Variants in CEACAM18 observed in about 807,000 individuals in gnomAD.
CEACAM18 encodes cell adhesion molecule CEACAM18.
In CEACAM18, 33 loss-of-function variants were observed where a neutral mutation model predicts 34.3. The ratio of observed to expected loss-of-function variants is 0.96; its 90% confidence interval spans 0.73 to 1.29. CEACAM18 has a LOEUF of 1.29. Ranked by LOEUF, CEACAM18 falls within the 50% of genes most tolerant of loss-of-function variation. CEACAM18 has a pLI of 0.00. For synonymous variants in CEACAM18, 169 were observed against 180.9 expected (o/e 0.93, Z 0.53); for missense variants, 474 against 485.0 (o/e 0.98, Z 0.21).
intron 3 of CEACAM18, 98 bp downstream of exon 3, chr19:51,481,763 C>A: frequency 7.9e-7 from 1 of 1,266,146 alleles, no homozygotes; most frequent in Non-Finnish European, 1.1e-6. Flanking sequence ...AGAGAGGGGG[C>A]ATCCTGGGCC....
intron 4 of CEACAM18, among the ~76,000 whole-genome samples, chr19:51,484,064 C>G (rs1214871694): frequency 1.3e-5 from 2 of 152,174 alleles, no homozygotes; most frequent in East Asian, 3.9e-4. Context: ...CGTTCCGAGA[C>G]TCAGTTTCCT....
In CEACAM18 at chr19:51,481,118, G is replaced by A. The variant is rs563206202; in HGVS notation, c.401-275G>A. 2.0e-5 allele frequency among the ~76,000 whole-genome samples: 3 copies of A among 152,320 alleles called. No homozygotes were observed. The South Asian group carries it at 6.2e-4, about 32-fold the overall frequency. On this transcript the variant is annotated intron_variant, in intron 2 of 5. Transcript: ENST00000396477. ...TCCTGGATGAGGGTCCTGGTTTGGA[G>A]GATCAGAAACAATGATTAGGCCACA...
rs1414205344 is a variant in CEACAM18 at position 51,481,609 on chromosome 19, TAGAG to T, written c.620_623del (p.Glu207ValfsTer14). 1.1e-5 allele frequency: 18 copies of T among 1,613,858 alleles called. No individual in the cohort carries two copies. Among genetic ancestry groups the T allele is most frequent in the Non-Finnish European group, 1.4e-5 (16 of 1,179,870 alleles). On this transcript the variant is annotated frameshift_variant, in exon 3 of 6. Coordinates refer to ENST00000396477, the Ensembl canonical transcript of CEACAM18. LOFTEE classifies it high-confidence loss of function. ...TATGACAGAACAATTCAGTGCATGATAGAGAGTTTCCCAGAGATCTTTCAGAGAA... is the reference window on the plus strand; with the variant it reads ...TATGACAGAACAATTCAGTGCATGATAGTTTCCCAGAGATCTTTCAGAGAA...
At chr19:51,488,633 G>A (rs963156041) in intron 5 of CEACAM18, among the ~76,000 whole-genome samples, 2 of 152,216 alleles carry the variant, frequency 1.3e-5, no homozygotes, top group African/African-American at 2.4e-5. Flanking sequence ...GAATTCAGCT[G>A]AGAAGGGGTG....
At chr19:51,483,785 G>A (rs114021326) in intron 4 of CEACAM18, among the ~76,000 whole-genome samples, 2 of 152,208 alleles carry the variant, frequency 1.3e-5, no homozygotes, top group Admixed American at 1.3e-4. Context: ...TTAGAAAGAC[G>A]CAGGGACGGG....
intron 4 of CEACAM18, among the ~76,000 whole-genome samples, chr19:51,483,526 A>C (rs1348889642): frequency 6.6e-6 from 1 of 152,262 alleles, no homozygotes; most frequent in African/African-American, 2.4e-5. Context: ...TAAGAGTAGC[A>C]GACATTGGCT....
At chr19:51,481,763 CATCCTGGG>C in intron 3 of CEACAM18, 98 bp downstream of exon 3, 1 of 1,266,144 alleles carries the variant, frequency 7.9e-7, no homozygotes, top group Non-Finnish European at 1.1e-6. Flanking sequence ...AGAGAGGGGG[CATCCTGGG>C]CCAGCCTGCA....
chr19:51,485,147 G>T, intron 5 of CEACAM18, 25 bp downstream of exon 5: 2 of 1,477,960 alleles, frequency 1.4e-6, no homozygotes, highest in Non-Finnish European at 1.8e-6. Flanking sequence ...CTGGGACAAG[G>T]GTGGGATGTT....
chr19:51,480,554 G>C (rs944993515), exon 2 of CEACAM18: 6 of 1,613,914 alleles, frequency 3.7e-6, no homozygotes, highest in Non-Finnish European at 5.1e-6. Flanking sequence ...CACTGGCAGG[G>C]AGAGAGTGAA....
At chr19:51,490,717 G>T in exon 6 of CEACAM18, 2 of 947,090 alleles carry the variant, frequency 2.1e-6, no homozygotes, top group Middle Eastern at 7.5e-4. Flanking sequence ...AGGGTCCAGG[G>T]TCTCTTTGGA....
At chr19:51,486,546 G>A (rs147904094) in intron 5 of CEACAM18, among the ~76,000 whole-genome samples, 1 of 150,878 alleles carries the variant, frequency 6.6e-6, no homozygotes, top group African/African-American at 2.4e-5. Context: ...GAGCCCCCTG[G>A]TCTAGGAAGG....
At position 51,480,654 on chromosome 19, in the gene CEACAM18, G is replaced by A; in HGVS notation, c.374G>A (p.Arg125Lys). The A allele has an allele frequency of 1.9e-6, 3 of 1,613,166 alleles. No homozygotes were observed. The South Asian group carries it at 3.3e-5, about 18-fold the overall frequency. The change falls in exon 2 of 6, where the codon AGA (arginine) becomes AAA (lysine). Residue 125 changes from arginine to lysine, a missense_variant. By Grantham distance (26) the Arg-to-Lys change is conservative. Coordinates refer to ENST00000396477, the Ensembl canonical transcript of CEACAM18. ...GTGGTTGCAGGCAATGAGACCCAAA[G>A]AGCAACCGGCTGGCTGGAGGTTCTA...
intron 3 of CEACAM18, 49 bp from the exon 4 acceptor site, chr19:51,482,968 C>T (rs756553875): frequency 4.0e-5 from 63 of 1,588,944 alleles, no homozygotes; most frequent in Admixed American, 1.7e-4. Context: ...TGAGACGGGA[C>T]GCCGAGGGGT....
chr19:51,483,555 C>T (rs1327368297), intron 4 of CEACAM18, among the ~76,000 whole-genome samples: 5 of 150,974 alleles, frequency 3.3e-5, no homozygotes, highest in African/African-American at 7.4e-5. Flanking sequence ...ACTATGTGCC[C>T]GCCTTTGTTC....
chr19:51,481,216 C>T (rs1989909646), intron 2 of CEACAM18, among the ~76,000 whole-genome samples, 177 bp from the exon 3 acceptor site: 1 of 152,232 alleles, frequency 6.6e-6, no homozygotes, highest in Non-Finnish European at 1.5e-5. Context: ...CACACCTCAG[C>T]AGCCTCATTG....
chr19:51,480,651 A>G, exon 2 of CEACAM18: 1 of 1,613,160 alleles, frequency 6.2e-7, no homozygotes, highest in East Asian at 2.2e-5. Flanking sequence ...AATGAGACCC[A>G]AAGAGCAACC....
intron 5 of CEACAM18, among the ~76,000 whole-genome samples, chr19:51,486,729 T>C (rs905507629): frequency 1.3e-5 from 2 of 151,178 alleles, no homozygotes; most frequent in Admixed American, 6.6e-5. Flanking sequence ...CTTTCTTTTT[T>C]TTTTTTTATA....
In CEACAM18 at chr19:51,482,979, C is replaced by T. The variant is rs369941807; in HGVS notation, c.674-38C>T. 1.9e-6 allele frequency: 3 copies of T among 1,603,124 alleles called. No individual in the cohort carries two copies. The African/African-American group carries it at 4.0e-5, about 21-fold the overall frequency. ...TTCATGAGACGGGACGCCGAGGGGTCAGAAACATAGCCTGGGCCTCCTACC... is the reference window on the plus strand; with the variant it reads ...TTCATGAGACGGGACGCCGAGGGGTTAGAAACATAGCCTGGGCCTCCTACC... On this transcript the variant is annotated intron_variant, in intron 3 of 5. Transcript: ENST00000396477.
rs61746204 is a variant in CEACAM18, at chr19:51,480,484, C to T, written c.204C>T (p.Ser68=). 3.8e-4 allele frequency: 612 copies of T among 1,613,854 alleles called. 2 individuals carry two copies. In the African/African-American group the frequency reaches 6.9e-3, roughly 18 times the overall value. Residue 68 remains serine, a synonymous_variant, in exon 2 of 6, where the codon AGC becomes AGT. Transcript: ENST00000396477. ...GCTGGTACTGGGGTGCAAACGACAG[C>T]GCAGGAAACATGATTATCAGCCACA...
Sources: gnomAD v4.1 joint callset for allele counts (sites outside exome capture counted in the v4.1 genomes callset) on GRCh38, gnomAD v4.1.1 for gene constraint, MANE v1.5 for transcripts, NCBI Gene and HGNC (gene_info 2026-07-23, HGNC 2026-07-21) for gene names.